GABRB1: variants seen among roughly 807,000 people sequenced by gnomAD.
GABRB1 encodes the protein gamma-aminobutyric acid type A receptor subunit beta1, also known as gamma-aminobutyric acid receptor subunit beta-1.
A neutral mutation model predicts 51.6 loss-of-function variants in GABRB1; 17 were observed. The observed-to-expected ratio is 0.33, with a 90% CI of 0.23 to 0.49. The LOEUF (loss-of-function observed/expected upper bound fraction) is 0.49, where lower values mean the gene tolerates loss of function less well. Ranked by LOEUF, GABRB1 falls within the 20% of genes least tolerant of loss-of-function variation. The pLI, the probability that GABRB1 is intolerant of heterozygous loss-of-function variation, is 0.99. For synonymous variants in GABRB1, 247 were observed against 218.9 expected (o/e 1.13, Z -1.14); for missense variants, 410 against 600.6 (o/e 0.68, Z 3.32).
chr4:47,205,247 C>T (rs969023924), intron 4 of GABRB1, among the ~76,000 whole-genome samples: 25 of 152,032 alleles, frequency 1.6e-4, no homozygotes, highest in Admixed American at 1.1e-3. Flanking sequence ...AGAAAGAAGG[C>T]ACTAATATAA....
Position 47,032,010 on chromosome 4 carries a change from C to A in GABRB1, c.172+5C>A, listed in dbSNP as rs774062328. The A allele has an allele frequency of 9.4e-6, 15 of 1,604,156 alleles. No individual in the cohort carries two copies. The South Asian group carries it at 9.9e-5, about 11-fold the overall frequency. ...GCTTGCGGCCGGACTTCGGAGGTAA[C>A]GCTTCATCTTTTTTCAACCTGTAAC... On this transcript the variant is annotated splice_donor_5th_base_variant and intron_variant, in intron 2 of 8. Coordinates refer to ENST00000295454, the MANE Select transcript of GABRB1 (RefSeq NM_000812.4).
At chr4:47,231,693 T>C (rs1721149662) in intron 4 of GABRB1, among the ~76,000 whole-genome samples, 1 of 152,224 alleles carries the variant, frequency 6.6e-6, no homozygotes, top group Non-Finnish European at 1.5e-5. Flanking sequence ...GCAAGCTCTT[T>C]GAGTACATGA....
chr4:46,997,413 T>C (rs1034732469), intron 1 of GABRB1, among the ~76,000 whole-genome samples: 1 of 149,968 alleles, frequency 6.7e-6, no homozygotes. Context: ...TTATTATACA[T>C]AACATATTAT....
chr4:47,221,846 C>G (rs1720778722), intron 4 of GABRB1, among the ~76,000 whole-genome samples: 1 of 151,974 alleles, frequency 6.6e-6, no homozygotes, highest in African/African-American at 2.4e-5. Flanking sequence ...AGATGCCTGA[C>G]TTAATATCTA....
At chr4:47,358,612 A>G (rs771109695) in intron 5 of GABRB1, among the ~76,000 whole-genome samples, 29 of 151,830 alleles carry the variant, frequency 1.9e-4, no homozygotes, top group Non-Finnish European at 3.4e-4. Context: ...CTCTTCTTTT[A>G]GGGATACCAG....
At chr4:47,032,660 A>G (rs760787623) in intron 3 of GABRB1, 176 bp downstream of exon 3, 1 of 724,890 alleles carries the variant, frequency 1.4e-6, no homozygotes, top group African/African-American at 1.7e-5. Context: ...TGTAATTTCG[A>G]CACACACGGG....
chr4:47,239,751 T>C (rs555121386), intron 4 of GABRB1, among the ~76,000 whole-genome samples: 1 of 152,334 alleles, frequency 6.6e-6, no homozygotes, highest in South Asian at 2.1e-4. Flanking sequence ...AGAGCAATAC[T>C]GTAGCTGTTT....
At chr4:47,243,120 C>G (rs1017067884) in intron 4 of GABRB1, among the ~76,000 whole-genome samples, 2 of 152,180 alleles carry the variant, frequency 1.3e-5, no homozygotes, top group Admixed American at 6.5e-5. Context: ...CCAGTTTTCC[C>G]AGCACCATTT....
At chr4:47,012,886 T>G (rs1313054200) in intron 1 of GABRB1, among the ~76,000 whole-genome samples, 1 of 152,212 alleles carries the variant, frequency 6.6e-6, no homozygotes, top group African/African-American at 2.4e-5. Context: ...CACATGGTAA[T>G]TGGAACCTCA....
chr4:47,364,679 T>TA (rs1014650965), intron 5 of GABRB1, among the ~76,000 whole-genome samples: 9 of 149,996 alleles, frequency 6.0e-5, no homozygotes, highest in Admixed American at 5.3e-4. Flanking sequence ...CCAGCATAAA[T>TA]AAAAAACATA....
At chr4:47,397,275 T>G (rs1340115394) in intron 5 of GABRB1, among the ~76,000 whole-genome samples, 1 of 152,238 alleles carries the variant, frequency 6.6e-6, no homozygotes, top group African/African-American at 2.4e-5. Flanking sequence ...TCTAGATAGA[T>G]CTACAATTTA....
chr4:47,292,465 C>T (rs1001461131), intron 4 of GABRB1, among the ~76,000 whole-genome samples: 1 of 152,200 alleles, frequency 6.6e-6, no homozygotes, highest in African/African-American at 2.4e-5. Context: ...ACTGTTGTTA[C>T]TTAATATCTT....
At chr4:47,075,993 G>A (rs938550117) in intron 3 of GABRB1, among the ~76,000 whole-genome samples, 1 of 152,108 alleles carries the variant, frequency 6.6e-6, no homozygotes. Context: ...TATGATTTCT[G>A]TAATCCTTGT....
chr4:47,221,999 A>AT (rs1345467356), intron 4 of GABRB1, among the ~76,000 whole-genome samples: 3 of 152,122 alleles, frequency 2.0e-5, no homozygotes, highest in Non-Finnish European at 4.4e-5. Flanking sequence ...CTTTAGCACT[A>AT]TGCTAGGGAG....
intron 1 of GABRB1, among the ~76,000 whole-genome samples, chr4:47,025,198 TATAA>T (rs1725053156): frequency 6.6e-6 from 1 of 151,566 alleles, no homozygotes; most frequent in Non-Finnish European, 1.5e-5. Flanking sequence ...ATTGTGCTTC[TATAA>T]ACATGCGTGT....
intron 3 of GABRB1, among the ~76,000 whole-genome samples, chr4:47,131,479 A>G (rs1475801362): frequency 2.6e-5 from 4 of 152,136 alleles, no homozygotes; most frequent in Admixed American, 6.5e-5. Context: ...TTCTGAGTGC[A>G]ATGTAGCCAT....
intron 4 of GABRB1, among the ~76,000 whole-genome samples, chr4:47,195,000 T>C (rs1270974174): frequency 2.6e-5 from 4 of 152,136 alleles, no homozygotes; most frequent in African/African-American, 7.2e-5. Flanking sequence ...AAGTGGAGGA[T>C]TCATTAGTTT....
chr4:47,284,731 T>A (rs932404444), intron 4 of GABRB1, among the ~76,000 whole-genome samples: 16 of 152,228 alleles, frequency 1.1e-4, no homozygotes, highest in Admixed American at 9.8e-4. Context: ...TTCTTATTAG[T>A]TCTTTGAATA....
intron 3 of GABRB1, among the ~76,000 whole-genome samples, chr4:47,157,921 G>A (rs1003757282): frequency 6.6e-6 from 1 of 152,044 alleles, no homozygotes; most frequent in Non-Finnish European, 1.5e-5. Context: ...GGTGTAATAT[G>A]CTAGCATATG....
Sources: allele counts gnomAD v4.1 joint callset (sites outside exome capture counted in the v4.1 genomes callset), GRCh38; gene constraint gnomAD v4.1.1; transcripts MANE v1.5; gene names NCBI Gene and HGNC (gene_info 2026-07-23, HGNC 2026-07-21).